Variants in PTPRT observed in about 807,000 individuals in gnomAD.
PTPRT encodes receptor-type tyrosine-protein phosphatase T.
In PTPRT, 56 loss-of-function variants were observed where a neutral mutation model predicts 176.8. The ratio of observed to expected loss-of-function variants is 0.32; its 90% CI spans 0.26 to 0.40. PTPRT has a LOEUF of 0.40. Among genes scored for constraint, PTPRT ranks in the 10% least tolerant of loss-of-function variants. The pLI is 1.00. For synonymous variants in PTPRT, 783 were observed against 739.0 expected (o/e 1.06, Z -0.96); for missense variants, 1,540 against 1,908.2 (o/e 0.81, Z 3.60).
chr20:42,676,965 C>T (rs73112432), intron 7 of PTPRT, among the ~76,000 whole-genome samples: 2,342 of 152,166 alleles, frequency 0.015, 22 homozygotes, highest in Non-Finnish European at 0.022. Flanking sequence ...AGCCAGCAAA[C>T]TCTTACATGG....
chr20:43,141,703 A>G (rs2014012438), intron 1 of PTPRT, among the ~76,000 whole-genome samples: 1 of 152,254 alleles, frequency 6.6e-6, no homozygotes, highest in African/African-American at 2.4e-5. Context: ...TTTTACATTT[A>G]TCACATCAAC....
intron 1 of PTPRT, among the ~76,000 whole-genome samples, chr20:43,110,186 C>G (rs887186248): frequency 1.3e-5 from 2 of 152,110 alleles, no homozygotes; most frequent in Non-Finnish European, 2.9e-5. Context: ...AGAGATCACA[C>G]AGCAAGAAAG....
intron 2 of PTPRT, among the ~76,000 whole-genome samples, chr20:42,798,314 T>C (rs2077481272): frequency 6.6e-6 from 1 of 152,206 alleles, no homozygotes; most frequent in Non-Finnish European, 1.5e-5. Context: ...TGATGAAATT[T>C]AGCTATCTAG....
intron 16 of PTPRT, among the ~76,000 whole-genome samples, chr20:42,175,508 G>A (rs1990254037): frequency 6.6e-6 from 1 of 152,146 alleles, no homozygotes. Flanking sequence ...ATGAATGGTG[G>A]TTACCAATTG....
At chr20:42,358,893 T>C (rs6072697) in intron 9 of PTPRT, among the ~76,000 whole-genome samples, 148,282 of 152,316 alleles carry the variant, frequency 0.97, 72,195 homozygotes, top group East Asian at 1. Context: ...AGGTGGCATT[T>C]CTGCTGAGCT....
intron 9 of PTPRT, among the ~76,000 whole-genome samples, chr20:42,435,449 G>C (rs556466120): frequency 2.0e-5 from 3 of 152,190 alleles, no homozygotes; most frequent in East Asian, 1.9e-4. Flanking sequence ...GGAAGTGAAA[G>C]AGCTTTCTGG....
At chr20:42,089,006 T>A (rs1458116545) in intron 27 of PTPRT, among the ~76,000 whole-genome samples, 2 of 152,178 alleles carry the variant, frequency 1.3e-5, no homozygotes, top group African/African-American at 4.8e-5. Flanking sequence ...ATAAATAGCA[T>A]AAGTATGCAA....
intron 6 of PTPRT, among the ~76,000 whole-genome samples, chr20:42,738,505 T>C (rs1003561574): frequency 4.0e-5 from 6 of 151,260 alleles, no homozygotes; most frequent in African/African-American, 9.7e-5. Context: ...TGAGACTCTG[T>C]CTTAGAAAAA....
rs151264843 is a variant in PTPRT at position 42,391,444 on chromosome 20, A to T, written c.1561-39159T>A. ...TGGCAGCCTCAGGAACTGGAGCCAT[A>T]GCCAATGTCCTGGCGGCCAAACTTA... On this transcript the variant is annotated intron_variant, in intron 9 of 30. Transcript: ENST00000373187. 2.1e-3 allele frequency among the ~76,000 whole-genome samples: 314 copies of T among 152,306 alleles called. 1 individual carries two copies. The highest frequency in any genetic ancestry group is 7.2e-3 in the African/African-American group (300 of 41,570).
chr20:42,432,482 C>T (rs1208034313), intron 9 of PTPRT, among the ~76,000 whole-genome samples: 3 of 152,196 alleles, frequency 2.0e-5, no homozygotes, highest in Admixed American at 2.0e-4. Flanking sequence ...AACCTGAAAA[C>T]CGGAATTCTT....
chr20:42,181,016 T>A (rs575862917), intron 16 of PTPRT, among the ~76,000 whole-genome samples: 1 of 152,194 alleles, frequency 6.6e-6, no homozygotes, highest in South Asian at 2.1e-4. Flanking sequence ...CATCAACTCA[T>A]AGGTTTTAAG....
chr20:42,321,785 T>TA (rs1056082729), intron 11 of PTPRT, among the ~76,000 whole-genome samples: 2 of 151,964 alleles, frequency 1.3e-5, no homozygotes, highest in South Asian at 4.2e-4. Context: ...AGGTATTTCT[T>TA]AAAAAAAAGA....
chr20:42,468,830 T>C (rs1295960856), intron 8 of PTPRT, among the ~76,000 whole-genome samples: 1 of 152,206 alleles, frequency 6.6e-6, no homozygotes, highest in Non-Finnish European at 1.5e-5. Flanking sequence ...TTTTCAGCAG[T>C]GACTTCTCCC....
intron 11 of PTPRT, among the ~76,000 whole-genome samples, chr20:42,331,507 C>T (rs561795988): frequency 1.3e-5 from 2 of 151,958 alleles, no homozygotes; most frequent in African/African-American, 2.4e-5. Context: ...GGAATAATTA[C>T]TAATTAAGCA....
chr20:42,550,084 T>G (rs2072740910), intron 7 of PTPRT, among the ~76,000 whole-genome samples: 1 of 152,172 alleles, frequency 6.6e-6, no homozygotes, highest in South Asian at 2.1e-4. Flanking sequence ...GAATGACCAC[T>G]CTGTATTGAA....
At chr20:42,630,189 G>A (rs1422956251) in intron 7 of PTPRT, among the ~76,000 whole-genome samples, 1 of 152,006 alleles carries the variant, frequency 6.6e-6, no homozygotes, top group African/African-American at 2.4e-5. Flanking sequence ...ATAGAGGAAG[G>A]GGCCATGAGC....
intron 7 of PTPRT, among the ~76,000 whole-genome samples, chr20:42,676,621 T>C (rs1435188583): frequency 6.6e-6 from 1 of 152,162 alleles, no homozygotes; most frequent in Admixed American, 6.5e-5. Flanking sequence ...AATCTAAGTG[T>C]AATTCCTGAC....
chr20:42,578,187 G>A (rs1266162054), intron 7 of PTPRT, among the ~76,000 whole-genome samples: 1 of 152,132 alleles, frequency 6.6e-6, no homozygotes, highest in Non-Finnish European at 1.5e-5. Flanking sequence ...GAGTCTACGA[G>A]TTGAGATTAG....
At chr20:43,083,339 T>TGTATATAC (rs1568773973) in intron 1 of PTPRT, among the ~76,000 whole-genome samples, 45 of 109,224 alleles carry the variant, frequency 4.1e-4, no homozygotes, top group Non-Finnish European at 6.1e-4. Flanking sequence ...TATATATATA[T>TGTATATAC]ATATATATAT....
Sources: gnomAD v4.1 joint callset for allele counts (sites outside exome capture counted in the v4.1 genomes callset) on GRCh38, gnomAD v4.1.1 for gene constraint, MANE v1.5 for transcripts, NCBI Gene and HGNC (gene_info 2026-07-23, HGNC 2026-07-21) for gene names.